The following SCN4B variants were observed in gnomAD, a reference collection of about 807,000 sequenced individuals.
SCN4B encodes sodium voltage-gated channel beta subunit 4, also known as sodium channel regulatory subunit beta-4.
SCN4B carries 20 observed loss-of-function variants against 19.6 expected under a neutral mutation model. The ratio of observed to expected loss-of-function variants is 1.02; its 90% CI spans 0.72 to 1.48. The LOEUF (loss-of-function observed/expected upper bound fraction) is 1.48, where lower values mean the gene tolerates loss of function less well. Among genes scored for constraint, SCN4B ranks in the 40% most tolerant of loss-of-function variants. SCN4B has a pLI of 0.00. For synonymous variants in SCN4B, 127 were observed against 122.8 expected, an observed-to-expected ratio of 1.03 and a Z score of -0.22; for missense variants, 271 against 287.5, an observed-to-expected ratio of 0.94 and a Z score of 0.42.
At chr11:118,140,403 G>A (rs972778663) in intron 4 of SCN4B, among the ~76,000 whole-genome samples, 4 of 152,168 alleles carry the variant, frequency 2.6e-5, no homozygotes, top group African/African-American at 9.7e-5. Context: ...TCTCAGCAGA[G>A]CAGAATGTTT....
chr11:118,150,772 G>A (rs1404001402), intron 1 of SCN4B, among the ~76,000 whole-genome samples: 2 of 152,194 alleles, frequency 1.3e-5, no homozygotes, highest in Non-Finnish European at 2.9e-5. Flanking sequence ...CCACTGGACT[G>A]AGAAGCAAGG....
At chr11:118,137,260 T>G in intron 4 of SCN4B, 140 bp from the exon 5 acceptor site, 1 of 703,142 alleles carries the variant, frequency 1.4e-6, no homozygotes, top group Non-Finnish European at 2.6e-6. Context: ...AGAGGCCATG[T>G]CACCTAACCT....
Position 118,152,702 on chromosome 11 carries a change from G to T in SCN4B, c.-29C>A, listed in dbSNP as rs367975000. ...CCTGTTCTCTCCGGAGCGCGCGGGGGTCGCGGGGATGGGATACTGGGCACA... is the reference window on the plus strand; with the variant it reads ...CCTGTTCTCTCCGGAGCGCGCGGGGTTCGCGGGGATGGGATACTGGGCACA... On this transcript the variant is annotated 5_prime_UTR_variant, in exon 1 of 5. Coordinates refer to ENST00000324727, the MANE Select transcript of SCN4B (RefSeq NM_174934.4). 64 of 1,569,140 alleles carry T rather than the reference G, an allele frequency of 4.1e-5. 1 individual carries two copies. The African/African-American group carries it at 7.3e-4, about 18-fold the overall frequency.
rs139327478 is a variant in SCN4B, at chr11:118,145,195, C to G, written c.96G>C (p.Glu32Asp). The change falls in exon 2 of 5, where the codon GAG becomes GAC. Residue 32 changes from glutamate to aspartate, a missense_variant. Coordinates refer to ENST00000324727, the MANE Select transcript of SCN4B (RefSeq NM_174934.4). ...TGTCGGTGGCCTTTCCCACAGACAC[C>G]TCCAGCGACAGGGTTACGGGGAGCA... The part of the protein sequence containing the change: ...LFLLPVTLSL[E>D]VSVGKATDIY... 1.9e-6 allele frequency: 3 copies of G among 1,601,338 alleles called. No homozygotes were observed. The highest frequency in any genetic ancestry group is 2.6e-6 in the Non-Finnish European group (3 of 1,174,808).
chr11:118,137,657 C>T (rs1268062525), intron 4 of SCN4B, among the ~76,000 whole-genome samples: 1 of 152,100 alleles, frequency 6.6e-6, no homozygotes, highest in Non-Finnish European at 1.5e-5. Flanking sequence ...GGCAACAGAG[C>T]GAGACTCTGT....
chr11:118,135,927 C>G lies in SCN4B; in HGVS notation c.*1100G>C, dbSNP rs776892033. 7 of 454,192 alleles carry G rather than the reference C, an allele frequency of 1.5e-5. No individual in the cohort carries two copies. Among genetic ancestry groups the G allele is most frequent in the South Asian group, 1.1e-4 (7 of 64,482 alleles). 28.1% of individuals were successfully genotyped at this position (454,192 alleles called of 1,614,324 possible). On this transcript the variant is annotated 3_prime_UTR_variant, in exon 5 of 5. Coordinates refer to ENST00000324727, the MANE Select transcript of SCN4B (RefSeq NM_174934.4). ...AGCTGAGCAGGAAGCAGCTGGGAAA[C>G]CCAAGGACCCCCTCATCCAAAGGAA...
chr11:118,148,174 G>C lies in SCN4B; in HGVS notation c.62-2945C>G, dbSNP rs1948201017. 6.6e-6 allele frequency among the ~76,000 whole-genome samples: 1 copy of C among 152,226 alleles called. No homozygotes were observed. Among genetic ancestry groups the C allele is most frequent in the South Asian group, 2.1e-4 (1 of 4,828 alleles). On this transcript the variant is annotated intron_variant, in intron 1 of 4. Coordinates refer to ENST00000324727, the MANE Select transcript of SCN4B (RefSeq NM_174934.4). The surrounding 1 kb of genome is among the most constrained non-coding windows in gnomAD (Gnocchi z 4.0). ...GGGGAAAATGAAAACCGGCAGAAAT[G>C]GTTTCACAGAGTCCAGAGCCCTGCC...
At chr11:118,143,383 C>A (rs1028937303) in intron 3 of SCN4B, among the ~76,000 whole-genome samples, 3 of 152,222 alleles carry the variant, frequency 2.0e-5, no homozygotes, top group African/African-American at 7.2e-5. Flanking sequence ...ATTTATTTAT[C>A]TTCTGTCCTA....
chr11:118,140,834 T>C (rs1948086249), intron 4 of SCN4B, among the ~76,000 whole-genome samples: 1 of 152,202 alleles, frequency 6.6e-6, no homozygotes, highest in Non-Finnish European at 1.5e-5. Flanking sequence ...TCTCTGTACA[T>C]GGAATCTTAC....
intron 2 of SCN4B, among the ~76,000 whole-genome samples, chr11:118,144,638 G>A (rs1948144894): frequency 6.6e-6 from 1 of 152,076 alleles, no homozygotes; most frequent in Non-Finnish European, 1.5e-5. Context: ...CAATGCTCCT[G>A]CAGCTCTCCC....
intron 4 of SCN4B, among the ~76,000 whole-genome samples, chr11:118,139,888 C>CTTTTT (rs5795120): frequency 7.2e-6 from 1 of 139,740 alleles, no homozygotes; most frequent in South Asian, 2.3e-4. Context: ...TCTAGCATTC[C>CTTTTT]TTTTTTTTTT....
rs370336743 is a variant in SCN4B at position 118,152,627 on chromosome 11, C to G, written c.47G>C (p.Gly16Ala). ...GGCTGCCTTACCCAAAAGCCCAGTG[C>G]CCAGCCATCTCGCCGGGGCTTTGCC... ...DGGKAPARWL[G>A]TGLLGLFLLP... Residue 16 changes from glycine (G) to alanine (A), a missense_variant, in exon 1 of 5, where the codon GGC (glycine) becomes GCC (alanine). Physicochemically the swap from Gly to Ala is moderately conservative, Grantham distance 60. Transcript: ENST00000324727. 6.2e-7 allele frequency: 1 copy of G among 1,612,714 alleles called. No individual in the cohort carries two copies.
intron 4 of SCN4B, among the ~76,000 whole-genome samples, chr11:118,137,855 C>T (rs926119088): frequency 6.6e-6 from 1 of 151,836 alleles, no homozygotes; most frequent in African/African-American, 2.4e-5. Flanking sequence ...TCCCCAGGGC[C>T]CCCCAGGCCT....
Position 118,145,403 on chromosome 11 carries a change from A to G in SCN4B, c.62-174T>C, listed in dbSNP as rs1397045382. 9.2e-6 allele frequency: 14 copies of G among 1,526,004 alleles called. No individual in the cohort carries two copies. The South Asian group carries it at 1.3e-4, about 14-fold the overall frequency. The allele number at this position is 1,526,004 out of a possible 1,614,324, so 94.5% of individuals were successfully genotyped here. ...ATCAGCACCGCCTGGGCCACCCTCC[A>G]TCATTCTCCATTTCTCCCCTGGAAA... is the stretch of plus-strand genomic sequence containing the variant. On this transcript the variant is annotated intron_variant, in intron 1 of 4. Transcript: ENST00000324727.
intron 1 of SCN4B, among the ~76,000 whole-genome samples, chr11:118,146,287 C>T (rs60570550): frequency 6.6e-6 from 1 of 152,076 alleles, no homozygotes; most frequent in Non-Finnish European, 1.5e-5. Flanking sequence ...TGTAAGGGGG[C>T]CTGGTTCCCC....
At chr11:118,151,586 GCA>G (rs1232507542) in intron 1 of SCN4B, among the ~76,000 whole-genome samples, 1 of 152,120 alleles carries the variant, frequency 6.6e-6, no homozygotes, top group African/African-American at 2.4e-5. Context: ...TGCTAGATCT[GCA>G]CACAGTTTAC....
chr11:118,141,625 A>G, intron 3 of SCN4B: 1 of 489,796 alleles, frequency 2.0e-6, no homozygotes, highest in Non-Finnish European at 3.7e-6. Flanking sequence ...ATTGGAGCCT[A>G]TAACACTCAA....
Position 118,135,507 on chromosome 11 carries a change from G to GCC in SCN4B, c.*1518_*1519dup, listed in dbSNP as rs1468750029. 1 of 453,916 alleles carries GCC rather than the reference G, an allele frequency of 2.2e-6. No homozygotes were observed. Among genetic ancestry groups the GCC allele is most frequent in the African/African-American group, 2.0e-5 (1 of 49,976 alleles). The allele number at this position is 453,916 out of a possible 1,614,324, so 28.1% of individuals were successfully genotyped here. Reference sequence around the variant, plus strand: ...GAGAGGCTTGTTACCACTTTTCCCTGCCATCCCTGGCCTCACCAATTCTGC... The same window carrying GCC: ...GAGAGGCTTGTTACCACTTTTCCCTGCCCCATCCCTGGCCTCACCAATTCTGC... On this transcript the variant is annotated 3_prime_UTR_variant, in exon 5 of 5. Coordinates refer to ENST00000324727, the MANE Select transcript of SCN4B (RefSeq NM_174934.4).
In SCN4B at chr11:118,135,398, C is replaced by A. The variant is rs1317832668; in HGVS notation, c.*1629G>T. The A allele has an allele frequency of 4.4e-6, 2 of 454,006 alleles. No homozygotes were observed. The highest frequency in any genetic ancestry group is 2.4e-5 in the Admixed American group (1 of 42,548). The allele number at this position is 454,006 out of a possible 1,614,324, so 28.1% of individuals were successfully genotyped here. ...CCAAACTCTCTGAAAAAGGGGGCTA[C>A]TCCTCTCTCATCCCTCCTAGGGGCC... On this transcript the variant is annotated 3_prime_UTR_variant, in exon 5 of 5. Coordinates refer to ENST00000324727, the MANE Select transcript of SCN4B (RefSeq NM_174934.4).
Sources: gnomAD v4.1 joint callset for allele counts (sites outside exome capture counted in the v4.1 genomes callset) on GRCh38, gnomAD v4.1.1 for gene constraint, Gnocchi (gnomAD v3.1) non-coding constraint, MANE v1.5 for transcripts, NCBI Gene and HGNC (gene_info 2026-07-23, HGNC 2026-07-21) for gene names.